The following TGS1 variants were observed in gnomAD, a reference collection of about 807,000 sequenced individuals.
TGS1 encodes the protein trimethylguanosine synthase.
TGS1 carries 69 observed loss-of-function variants against 92.2 expected under a neutral mutation model. The ratio of observed to expected loss-of-function variants is 0.75; its 90% CI spans 0.62 to 0.91. TGS1 has a LOEUF of 0.91. Among genes scored for constraint, TGS1 ranks in the 40% least tolerant of loss-of-function variants. The pLI is 0.00. For missense variants in TGS1, 1,062 were observed against 1,001.2 expected, an observed-to-expected ratio of 1.06 and a Z score of -0.82; for synonymous variants, 345 against 338.1, an observed-to-expected ratio of 1.02 and a Z score of -0.22.
At chr8:55,811,985 A>T (rs904237449) in intron 11 of TGS1, among the ~76,000 whole-genome samples, 1 of 152,176 alleles carries the variant, frequency 6.6e-6, no homozygotes, top group African/African-American at 2.4e-5. Context: ...TTGTCTTGTG[A>T]ATTGGGAATT....
rs16922259 is a variant in TGS1, at chr8:55,799,097, G to A, written c.1726G>A (p.Val576Ile). The A allele has an allele frequency of 2.5e-3, 4,057 of 1,614,094 alleles. 82 individuals carry two copies. The African/African-American group carries it at 0.046, about 18-fold the overall frequency. Residue 576 changes from valine to isoleucine, a missense_variant, in exon 8 of 13, where the codon GTA becomes ATA. Transcript: ENST00000260129. ...TCCAGAACCTGAAAAGTGTCAGAGCGTATCTTCAGCTGGTGAACTTGAAAC... is the reference window on the plus strand; with the variant it reads ...TCCAGAACCTGAAAAGTGTCAGAGCATATCTTCAGCTGGTGAACTTGAAAC... ...NNPEPEKCQS[V>I]SSAGELETEN...
rs1315948398 is a variant in TGS1 at position 55,799,087 on chromosome 8, G to A, written c.1716G>A (p.Lys572=). ...AGACTAATAATCCAGAACCTGAAAA[G>A]TGTCAGAGCGTATCTTCAGCTGGTG... ...LLETNNPEPE[K]CQSVSSAGEL... is the part of the protein sequence containing the mutation. The change falls in exon 8 of 13, where the codon AAG becomes AAA. Residue 572 remains lysine, a synonymous_variant. Coordinates refer to ENST00000260129, the MANE Select transcript of TGS1 (RefSeq NM_024831.8). 3 of 1,614,174 alleles carry A rather than the reference G, an allele frequency of 1.9e-6. No individual in the cohort carries two copies. Among genetic ancestry groups the A allele is most frequent in the Non-Finnish European group, 2.5e-6 (3 of 1,180,044 alleles).
chr8:55,782,818 ATAG>A lies in TGS1; in HGVS notation c.166+9_166+11del. 1.3e-6 allele frequency: 2 copies of A among 1,576,114 alleles called. No individual in the cohort carries two copies. Among genetic ancestry groups the A allele is most frequent in the Non-Finnish European group, 1.7e-6 (2 of 1,159,328 alleles). ...AGACAGTGGCAACAATTCAGGTAAT[ATAG>A]TATAAAATTCTATAAACCTTTTTTG... On this transcript the variant is annotated splice_region_variant and intron_variant, in intron 2 of 12. Coordinates refer to ENST00000260129, the MANE Select transcript of TGS1 (RefSeq NM_024831.8).
At chr8:55,818,985 A>G (rs929706996) in intron 12 of TGS1, among the ~76,000 whole-genome samples, 1 of 152,114 alleles carries the variant, frequency 6.6e-6, no homozygotes, top group Non-Finnish European at 1.5e-5. Flanking sequence ...CGCTCTGTCC[A>G]CAAGGCTGCA....
chr8:55,808,000 G>T (rs186817393), intron 10 of TGS1, among the ~76,000 whole-genome samples: 2 of 152,328 alleles, frequency 1.3e-5, no homozygotes, highest in Admixed American at 6.5e-5. Flanking sequence ...AAAGCACGTA[G>T]TAGCTGTAGA....
rs1812247851 is a variant in TGS1, at chr8:55,802,540, G to C, written c.1933G>C (p.Ala645Pro). The C allele has an allele frequency of 6.2e-7, 1 of 1,614,126 alleles. No homozygotes were observed. The highest frequency in any genetic ancestry group is 1.3e-5 in the African/African-American group (1 of 75,046). The change falls in exon 9 of 13, where the codon GCA (alanine) becomes CCA (proline). Residue 645 changes from alanine (A) to proline (P), a missense_variant. Coordinates refer to ENST00000260129, the MANE Select transcript of TGS1 (RefSeq NM_024831.8). ...TGAAATAGCTGCTGTTCCTGAGCTG[G>C]CAAAATACTGGGCCCAGAGGTACAG... ...PPEIAAVPEL[A>P]KYWAQRYRLF... is the part of the protein sequence containing the mutation.
At position 55,794,269 on chromosome 8, in the gene TGS1, T is replaced by C. The variant is rs749818080; in HGVS notation, c.1367+1485T>C. 2.5e-4 allele frequency among the ~76,000 whole-genome samples: 38 copies of C among 152,258 alleles called. 1 individual carries two copies. Among genetic ancestry groups the C allele is most frequent in the Middle Eastern group, 3.4e-3 (1 of 294 alleles). ...TGGGGTCTTGCTATGTTACCCAGGC[T>C]GGTCTTAAACTCTTGGCCTCAAGTG... On this transcript the variant is annotated intron_variant, in intron 6 of 12. Transcript: ENST00000260129.
chr8:55,785,711 G>A lies in TGS1; in HGVS notation c.167-8G>A. 1 of 1,586,004 alleles carries A rather than the reference G, an allele frequency of 6.3e-7. No homozygotes were observed. Among genetic ancestry groups the A allele is most frequent in the Non-Finnish European group, 8.6e-7 (1 of 1,168,284 alleles). Reference sequence around the variant, plus strand: ...CCTTAAAACTAAGCTAATAAATGGTGTCTATAGGAGACCAGGCGACAGAAG... The same window carrying A: ...CCTTAAAACTAAGCTAATAAATGGTATCTATAGGAGACCAGGCGACAGAAG... On this transcript the variant is annotated splice_polypyrimidine_tract_variant and splice_region_variant and intron_variant, in intron 2 of 12. Transcript: ENST00000260129.
chr8:55,796,044 G>C lies in TGS1; in HGVS notation c.1434G>C (p.Lys478Asn), dbSNP rs781626463. 3.1e-6 allele frequency: 5 copies of C among 1,613,396 alleles called. No homozygotes were observed. The African/African-American group carries it at 6.7e-5, about 22-fold the overall frequency. Residue 478 changes from lysine to asparagine, a missense_variant, in exon 7 of 13, where the codon AAG becomes AAC. Physicochemically the swap from Lys to Asn is moderately conservative, Grantham distance 94. Transcript: ENST00000260129. ...VRYLEKNVKL[K>N]SKYLDMRRQI... ...ATTTAGAGAAGAATGTGAAGCTTAA[G>C]TCTAAGTACCTAGACATGCGCAGAC... is the stretch of plus-strand genomic sequence containing the variant.
chr8:55,815,728 A>G (rs1294037392), intron 12 of TGS1, among the ~76,000 whole-genome samples: 1 of 152,134 alleles, frequency 6.6e-6, no homozygotes, highest in African/African-American at 2.4e-5. Flanking sequence ...TCCTGTATCT[A>G]GTGAAATGTT....
chr8:55,790,205 AAC>A lies in TGS1; in HGVS notation c.1190_1191del (p.Thr397LysfsTer11). On this transcript the variant is annotated frameshift_variant, in exon 5 of 13. Transcript: ENST00000260129. LOFTEE classifies it high-confidence loss of function. The stretch of plus-strand genomic sequence containing the variant: ...AGATTCACAGAAGTCTTCAGGAGCA[AAC>A]ACAAGCAAAGACAGACCACATGCCA... ...AEDSQKSSGA[N>X]TSKDRPHASG... 1 of 1,614,066 alleles carries A rather than the reference AAC, an allele frequency of 6.2e-7. No individual in the cohort carries two copies. Among genetic ancestry groups the A allele is most frequent in the Non-Finnish European group, 8.5e-7 (1 of 1,179,922 alleles).
At chr8:55,816,870 T>A (rs76498595) in intron 12 of TGS1, among the ~76,000 whole-genome samples, 24,405 of 151,930 alleles carry the variant, frequency 0.16, 2,377 homozygotes, top group African/African-American at 0.27. Flanking sequence ...ATTTATTTTT[T>A]TTTTTTTTGA....
intron 12 of TGS1, among the ~76,000 whole-genome samples, chr8:55,819,813 A>G (rs1463173785): frequency 6.6e-6 from 1 of 152,236 alleles, no homozygotes; most frequent in African/African-American, 2.4e-5. Flanking sequence ...TTTAATTACC[A>G]GAAATGTTTT....
chr8:55,822,842 C>T (rs891771903), intron 12 of TGS1, among the ~76,000 whole-genome samples: 3 of 152,144 alleles, frequency 2.0e-5, no homozygotes, highest in African/African-American at 7.2e-5. Flanking sequence ...TGGAAATGCA[C>T]AATAAATCTT....
intron 7 of TGS1, among the ~76,000 whole-genome samples, chr8:55,798,524 C>A (rs1213147999): frequency 6.6e-6 from 1 of 152,044 alleles, no homozygotes; most frequent in Non-Finnish European, 1.5e-5. Flanking sequence ...GCAGAAAGGT[C>A]TATATAATTT....
Position 55,799,027 on chromosome 8 carries a change from A to G in TGS1, c.1656A>G (p.Gln552=). ...DASTSSDSEE[Q]DMSVKKGDDL... is the part of the protein sequence containing the mutation. ...CCACAAGTAGTGATTCAGAGGAACA[A>G]GACATGTCTGTTAAAAAAGGTGATG... Residue 552 remains glutamine, a synonymous_variant, in exon 8 of 13, where the codon CAA becomes CAG. Transcript: ENST00000260129. 1 of 1,614,224 alleles carries G rather than the reference A, an allele frequency of 6.2e-7. No homozygotes were observed. Among genetic ancestry groups the G allele is most frequent in the Non-Finnish European group, 8.5e-7 (1 of 1,180,034 alleles).
Position 55,786,510 on chromosome 8 carries a change from A to G in TGS1, c.612A>G (p.Glu204=), listed in dbSNP as rs1390721188. ...AGAAATGGGAAAAGTATTGGAATGA[A>G]TATGGAGGAGGACTATTGTGGCAAA... ...ITEKWEKYWN[E]YGGGLLWQSW... Residue 204 remains glutamate, a synonymous_variant, in exon 4 of 13, where the codon GAA becomes GAG. Transcript: ENST00000260129. The G allele has an allele frequency of 6.2e-7, 1 of 1,614,090 alleles. No homozygotes were observed. Among genetic ancestry groups the G allele is most frequent in the Non-Finnish European group, 8.5e-7 (1 of 1,180,032 alleles).
intron 7 of TGS1, 94 bp downstream of exon 7, chr8:55,796,246 C>T (rs1563458743): frequency 2.1e-6 from 2 of 934,132 alleles, no homozygotes; most frequent in East Asian, 2.7e-5. Context: ...AAGCTTGTTT[C>T]TACCAGGTAT....
intron 12 of TGS1, among the ~76,000 whole-genome samples, chr8:55,813,455 CA>C (rs1024202565): frequency 2.9e-4 from 44 of 151,658 alleles, no homozygotes; most frequent in Non-Finnish European, 4.9e-4. Context: ...GAGACTGTCT[CA>C]AAAAAAATAG....
Sources: allele counts gnomAD v4.1 joint callset (sites outside exome capture counted in the v4.1 genomes callset), GRCh38; gene constraint gnomAD v4.1.1; transcripts MANE v1.5; gene names NCBI Gene and HGNC (gene_info 2026-07-23, HGNC 2026-07-21).